ZNF75D: variants seen among roughly 807,000 people sequenced by gnomAD.
The protein encoded by ZNF75D is zinc finger protein 75.
In ZNF75D, 33 loss-of-function variants were observed where a neutral mutation model predicts 33.3. The observed-to-expected ratio is 0.99, with a 90% CI of 0.75 to 1.32. ZNF75D has a LOEUF of 1.32. Ranked by LOEUF, ZNF75D falls within the 40% of genes most tolerant of loss-of-function variation. The pLI, the probability that ZNF75D is intolerant of heterozygous loss-of-function variation, is 0.00. For missense variants in ZNF75D, 338 were observed against 367.5 expected (o/e 0.92, Z 0.66); for synonymous variants, 113 against 130.6 (o/e 0.87, Z 0.92).
At chrX:135,298,537 A>AAT (rs1258765114) in intron 1 of ZNF75D, 1 of 112,048 alleles carries the variant, frequency 8.9e-6, no homozygotes, top group Non-Finnish European at 1.9e-5. Context: ...AAGGCCTCAT[A>AAT]ATAGTGAGTT....
chrX:135,258,043 A>G (rs1428960656), intron 1 of ZNF75D, among the ~76,000 whole-genome samples: 1 of 108,689 alleles, frequency 9.2e-6, no homozygotes, highest in Admixed American at 1.0e-4. Flanking sequence ...ATTACCACCT[A>G]TGAGTGAGAA....
chrX:135,263,525 G>A (rs942204314), intron 1 of ZNF75D, among the ~76,000 whole-genome samples: 16 of 112,804 alleles, frequency 1.4e-4, no homozygotes, highest in Admixed American at 3.7e-4. Flanking sequence ...CAGCAATGGC[G>A]GACGCCCCTC....
rs377638752 is a variant in ZNF75D, at chrX:135,287,104, C to T, written c.*33G>A. The T allele has an allele frequency of 9.1e-5, 102 of 1,119,012 alleles. No homozygotes were observed. The highest frequency in any genetic ancestry group is 1.2e-4 in the Non-Finnish European group (101 of 829,722). 92.2% of individuals were successfully genotyped at this position (1,119,012 alleles called of 1,213,427 possible). Reference sequence around the variant, plus strand: ...CTCATAATTTTGTATTCTTTCACCACTTCTAAAGTCAAGCTCTACATGGTA... The same window carrying T: ...CTCATAATTTTGTATTCTTTCACCATTTCTAAAGTCAAGCTCTACATGGTA... On this transcript the variant is annotated 3_prime_UTR_variant, in exon 7 of 7. Coordinates refer to ENST00000370766, the MANE Select transcript of ZNF75D (RefSeq NM_007131.5).
chrX:135,265,941 A>G (rs1602584867), intron 1 of ZNF75D, among the ~76,000 whole-genome samples: 1 of 112,280 alleles, frequency 8.9e-6, no homozygotes, highest in East Asian at 2.8e-4. Flanking sequence ...AAGACATAAC[A>G]AGAAACAATA....
At chrX:135,332,526 G>A (rs189844996) in intron 1 of ZNF75D, among the ~76,000 whole-genome samples, 1 of 111,631 alleles carries the variant, frequency 9.0e-6, no homozygotes, top group Admixed American at 9.5e-5. Context: ...CCCTCTCCAG[G>A]AACTGAATCT....
chrX:135,306,767 G>C (rs2084292064), intron 1 of ZNF75D, among the ~76,000 whole-genome samples: 1 of 112,559 alleles, frequency 8.9e-6, no homozygotes, highest in African/African-American at 3.2e-5. Flanking sequence ...CCTTGTGTTT[G>C]TCCTCATCTT....
chrX:135,265,400 A>G (rs1556416205), intron 1 of ZNF75D, among the ~76,000 whole-genome samples: 1 of 111,216 alleles, frequency 9.0e-6, no homozygotes, highest in African/African-American at 3.3e-5. Context: ...ACTACCTCAA[A>G]GCATTTAATA....
At chrX:135,285,173 G>A (rs1000015206), downstream of ZNF75D, among the ~76,000 whole-genome samples, 1 of 111,208 alleles carries the variant, frequency 9.0e-6, no homozygotes, top group Non-Finnish European at 1.9e-5. Flanking sequence ...CTTTTTAGTC[G>A]CCATTATGTG....
chrX:135,282,218 G>T (rs1305388213), downstream of ZNF75D, among the ~76,000 whole-genome samples: 1 of 111,971 alleles, frequency 8.9e-6, no homozygotes, highest in Non-Finnish European at 1.9e-5. Flanking sequence ...GAGGCAGTTT[G>T]GCTAGCGTAG....
chrX:135,305,589 T>C (rs1227708528), intron 1 of ZNF75D, among the ~76,000 whole-genome samples: 2 of 111,398 alleles, frequency 1.8e-5, no homozygotes, highest in Non-Finnish European at 3.8e-5. Flanking sequence ...ATTTATTTGA[T>C]TATAACAGCT....
intron 1 of ZNF75D, among the ~76,000 whole-genome samples, chrX:135,319,922 A>C (rs1317509376): frequency 8.9e-6 from 1 of 112,673 alleles, no homozygotes; most frequent in Non-Finnish European, 1.9e-5. Context: ...AGTTTTAAAA[A>C]TTATCTTTGC....
chrX:135,305,082 A>G (rs2084267720), intron 1 of ZNF75D, among the ~76,000 whole-genome samples: 1 of 111,026 alleles, frequency 9.0e-6, no homozygotes, highest in African/African-American at 3.3e-5. Context: ...TTTTCATCCT[A>G]CCCTTGGGAT....
At chrX:135,301,219 C>T (rs2084214301) in intron 1 of ZNF75D, among the ~76,000 whole-genome samples, 1 of 111,624 alleles carries the variant, frequency 9.0e-6, no homozygotes, top group Admixed American at 9.5e-5. Context: ...GAAACCATCT[C>T]CATGATCCAA....
chrX:135,325,950 T>C (rs997067625), intron 1 of ZNF75D, among the ~76,000 whole-genome samples: 2 of 112,729 alleles, frequency 1.8e-5, no homozygotes, highest in Non-Finnish European at 3.8e-5. Context: ...AACCTTTATG[T>C]CTAGCTCAGG....
chrX:135,318,862 T>C (rs965605896), intron 1 of ZNF75D, among the ~76,000 whole-genome samples: 2 of 111,998 alleles, frequency 1.8e-5, no homozygotes, highest in Non-Finnish European at 3.8e-5. Context: ...CTAGAAAAAG[T>C]AAATATTTCA....
Position 135,287,240 on chromosome X carries a change from T to G in ZNF75D, c.1430A>C (p.Tyr477Ser). 1 of 1,211,824 alleles carries G rather than the reference T, an allele frequency of 8.3e-7. No homozygotes were observed. The highest frequency in any genetic ancestry group is 1.1e-6 in the Non-Finnish European group (1 of 895,355). The part of the protein sequence containing the change: ...HQRTHTGEQP[Y>S]TCSLCKRNFS... ...GTTTCTCTTGCATAAGCTACACGTA[T>G]AAGGCTGCTCACCTGTGTGAGTTCT... Residue 477 changes from tyrosine (Y) to serine (S), a missense_variant, in exon 7 of 7, where the codon TAT (tyrosine) becomes TCT (serine). Around this residue, in one of 3 missense-constraint regions of ZNF75D, gnomAD observed 79 missense variants for 80.1 expected, o/e 0.99. Coordinates refer to ENST00000370766, the MANE Select transcript of ZNF75D (RefSeq NM_007131.5).
intron 4 of ZNF75D, 138 bp downstream of exon 4, chrX:135,292,143 T>A: frequency 1.7e-6 from 1 of 577,481 alleles, no homozygotes; most frequent in Non-Finnish European, 2.8e-6. Flanking sequence ...TCAACCACCA[T>A]CAACCCACTG....
intron 1 of ZNF75D, among the ~76,000 whole-genome samples, chrX:135,329,543 G>A (rs1377368263): frequency 8.9e-6 from 1 of 112,296 alleles, no homozygotes; most frequent in Non-Finnish European, 1.9e-5. Flanking sequence ...CTCCCAAAGT[G>A]CTGTCATGCC....
chrX:135,261,408 C>T (rs2083841521), intron 1 of ZNF75D, among the ~76,000 whole-genome samples: 1 of 111,586 alleles, frequency 9.0e-6, no homozygotes, highest in African/African-American at 3.3e-5. Flanking sequence ...GTTAAAGTGT[C>T]CCATTATTAT....
Sources: allele counts gnomAD v4.1 joint callset (sites outside exome capture counted in the v4.1 genomes callset), GRCh38; gene constraint gnomAD v4.1.1; regional missense constraint gnomAD v4.1.1; transcripts MANE v1.5; gene names NCBI Gene and HGNC (gene_info 2026-07-23, HGNC 2026-07-21).